KCNIP1: variants seen among roughly 807,000 people sequenced by gnomAD.
KCNIP1 encodes the protein A-type potassium channel modulatory protein KCNIP1.
Under a neutral mutation model 33.0 loss-of-function variants are expected in KCNIP1, and 18 were observed. The ratio of observed to expected loss-of-function variants is 0.55; its 90% CI spans 0.38 to 0.81. The LOEUF (loss-of-function observed/expected upper bound fraction) is 0.81, where lower values mean the gene tolerates loss of function less well. KCNIP1 is among the 30% of genes least tolerant of loss of function. The pLI, the probability that KCNIP1 is intolerant of heterozygous loss-of-function variation, is 0.00. For missense variants in KCNIP1, 238 were observed against 271.6 expected (o/e 0.88, Z 0.87); for synonymous variants, 93 against 98.3 (o/e 0.95, Z 0.32).
intron 1 of KCNIP1, among the ~76,000 whole-genome samples, chr5:170,399,501 T>C (rs1457282847): frequency 6.6e-6 from 1 of 152,108 alleles, no homozygotes; most frequent in Non-Finnish European, 1.5e-5. Context: ...AGGTAAGTCA[T>C]AGAGAACTTG....
intron 1 of KCNIP1, among the ~76,000 whole-genome samples, chr5:170,369,466 T>G (rs1381012699): frequency 2.0e-5 from 3 of 152,222 alleles, no homozygotes; most frequent in Admixed American, 1.3e-4. Flanking sequence ...GTGCTACAGC[T>G]TTGGAAACTT....
intron 1 of KCNIP1, among the ~76,000 whole-genome samples, chr5:170,635,887 C>CCCAG (rs1760261437): frequency 6.6e-6 from 1 of 152,188 alleles, no homozygotes; most frequent in Admixed American, 6.5e-5. Flanking sequence ...GCTGCCAGTG[C>CCCAG]CCAGACACAG....
At chr5:170,627,104 C>G (rs1242342008) in intron 1 of KCNIP1, among the ~76,000 whole-genome samples, 5 of 152,186 alleles carry the variant, frequency 3.3e-5, no homozygotes. Flanking sequence ...CGATGCATCC[C>G]TCCCCCACGT....
chr5:170,452,120 TG>T (rs1240061855), intron 1 of KCNIP1, among the ~76,000 whole-genome samples: 3 of 152,134 alleles, frequency 2.0e-5, no homozygotes, highest in Non-Finnish European at 2.9e-5. Context: ...TTGGTGGCAT[TG>T]GGGACTGAGA....
At chr5:170,503,907 G>A (rs1423330806), upstream of KCNIP1, 2 of 411,466 alleles carry the variant, frequency 4.9e-6, no homozygotes, top group Admixed American at 6.4e-5. Flanking sequence ...GGTGCGCAGG[G>A]GTGAGGGCGC....
At chr5:170,540,299 G>T (rs1756149705) in intron 1 of KCNIP1, among the ~76,000 whole-genome samples, 2 of 152,148 alleles carry the variant, frequency 1.3e-5, no homozygotes, top group African/African-American at 2.4e-5. Context: ...TAGAGTGCCT[G>T]CCCCCAGTGC....
chr5:170,522,037 T>C (rs1354663313), intron 1 of KCNIP1, among the ~76,000 whole-genome samples: 1 of 152,144 alleles, frequency 6.6e-6, no homozygotes, highest in African/African-American at 2.4e-5. Flanking sequence ...TGATATAGTA[T>C]GGAGATCACA....
intron 1 of KCNIP1, among the ~76,000 whole-genome samples, chr5:170,617,569 A>C (rs888656830): frequency 2.6e-4 from 39 of 152,300 alleles, no homozygotes; most frequent in African/African-American, 8.4e-4. Context: ...TGTTCACAGC[A>C]CTTTCCCAAA....
chr5:170,731,453 A>T (rs1764189780), intron 5 of KCNIP1, among the ~76,000 whole-genome samples: 1 of 152,216 alleles, frequency 6.6e-6, no homozygotes, highest in Non-Finnish European at 1.5e-5. Context: ...CTATAATCCC[A>T]GCACTTTGGG....
At chr5:170,420,580 T>G (rs1755460322) in intron 1 of KCNIP1, 1 of 150,988 alleles carries the variant, frequency 6.6e-6, no homozygotes, top group South Asian at 2.1e-4. Flanking sequence ...GCATGTAACA[T>G]ATAAAATATG....
intron 3 of KCNIP1, 35 bp downstream of exon 3, chr5:170,720,425 C>T (rs534946489): frequency 1.7e-5 from 26 of 1,515,110 alleles, no homozygotes; most frequent in African/African-American, 4.1e-5. Flanking sequence ...TTGCCCAGCT[C>T]CCTCTCTGGT....
At chr5:170,406,719 T>C (rs1755047716) in intron 1 of KCNIP1, among the ~76,000 whole-genome samples, 3 of 152,170 alleles carry the variant, frequency 2.0e-5, no homozygotes, top group Admixed American at 6.5e-5. Context: ...ACCCTCTCCC[T>C]CTTAGGCTCC....
chr5:170,590,994 CA>C lies in KCNIP1; in HGVS notation c.61+86362del, dbSNP rs111265836. On this transcript the variant is annotated intron_variant, in intron 1 of 7. Coordinates refer to ENST00000328939, the MANE Select transcript of KCNIP1 (RefSeq NM_014592.4). ...CCTATCCCCTGGGCCAGAACTTGGG[CA>C]TCTGACCACACAGACTTCCCTTGGA... 5.0e-3 allele frequency among the ~76,000 whole-genome samples: 759 copies of C among 152,316 alleles called. 6 individuals carry two copies. The highest frequency in any genetic ancestry group is 0.017 in the African/African-American group (706 of 41,572).
intron 1 of KCNIP1, among the ~76,000 whole-genome samples, chr5:170,414,029 C>A (rs942695258): frequency 2.0e-5 from 3 of 151,824 alleles, no homozygotes; most frequent in Non-Finnish European, 4.4e-5. Context: ...CTCATCCTCG[C>A]AGTGACTAAG....
intron 1 of KCNIP1, among the ~76,000 whole-genome samples, chr5:170,406,516 A>G (rs1272162477): frequency 6.6e-6 from 1 of 152,238 alleles, no homozygotes; most frequent in African/African-American, 2.4e-5. Context: ...GGCAGGTAGC[A>G]ATAATTACAC....
chr5:170,596,599 C>T (rs963250652), intron 1 of KCNIP1, among the ~76,000 whole-genome samples: 8 of 152,354 alleles, frequency 5.3e-5, no homozygotes, highest in African/African-American at 1.9e-4. Flanking sequence ...CCAGGAGCGC[C>T]AGCTCTGCCA....
In KCNIP1 at chr5:170,410,837, G is replaced by A. The variant is rs1047446706; in HGVS notation, c.88+56873G>A. ...GTTGTGAGGTTGGCTCAGTGTAGGT[G>A]CACAAAGATGCCTAGGAGGATGGTG... On this transcript the variant is annotated intron_variant, in intron 1 of 7. Coordinates refer to the KCNIP1 transcript ENST00000377360. Among the ~76,000 whole-genome samples the A allele has an allele frequency of 4.6e-5, 7 of 152,346 alleles. No individual in the cohort carries two copies. The South Asian group carries it at 6.2e-4, about 14-fold the overall frequency.
At chr5:170,710,389 C>G (rs1255963679) in intron 1 of KCNIP1, among the ~76,000 whole-genome samples, 1 of 152,122 alleles carries the variant, frequency 6.6e-6, no homozygotes, top group East Asian at 1.9e-4. Flanking sequence ...TGTATATTTT[C>G]TTGAACAAAT....
At chr5:170,364,100 A>G (rs1368447468) in intron 1 of KCNIP1, among the ~76,000 whole-genome samples, 3 of 151,632 alleles carry the variant, frequency 2.0e-5, no homozygotes, top group Non-Finnish European at 2.9e-5. Flanking sequence ...TCCTGGGCTC[A>G]AGCAATCCTC....
Sources: allele counts gnomAD v4.1 joint callset (sites outside exome capture counted in the v4.1 genomes callset), GRCh38; gene constraint gnomAD v4.1.1; transcripts MANE v1.5; gene names NCBI Gene and HGNC (gene_info 2026-07-23, HGNC 2026-07-21).